FGFR1: variants seen among roughly 807,000 people sequenced by gnomAD.
FGFR1 encodes fibroblast growth factor receptor 1.
FGFR1 carries 18 observed loss-of-function variants against 93.7 expected under a neutral mutation model. The observed-to-expected ratio is 0.19, with a 90% CI of 0.13 to 0.28. The LOEUF (loss-of-function observed/expected upper bound fraction) is 0.28. Among genes scored for constraint, FGFR1 ranks in the 10% least tolerant of loss-of-function variants. The probability of loss-of-function intolerance (pLI) is 1.00; values close to 1 mark genes in which losing one functional copy is unlikely to be tolerated. For missense variants in FGFR1, 731 were observed against 1,080.4 expected (o/e 0.68, Z 4.53); for synonymous variants, 448 against 429.3 (o/e 1.04, Z -0.54).
Position 38,423,330 on chromosome 8 carries a change from T to C in FGFR1, c.936+1179A>G, listed in dbSNP as rs1819520565. 8.3e-6 allele frequency: 5 copies of C among 600,686 alleles called. No homozygotes were observed. The South Asian group carries it at 9.6e-5, about 12-fold the overall frequency. 37.2% of individuals were successfully genotyped at this position (600,686 alleles called of 1,614,324 possible). The stretch of plus-strand genomic sequence containing the variant: ...CCTTTTAGTTTTTTTTTTTTTTTTT[T>C]TTTTTAACGCAGAGTCTCACTCACT... On this transcript the variant is annotated intron_variant, in intron 7 of 17. Transcript: ENST00000447712.
At chr8:38,414,514 GCT>G (rs752581656) in intron 15 of FGFR1, 43 bp downstream of exon 15, 3 of 1,604,524 alleles carry the variant, frequency 1.9e-6, no homozygotes, top group South Asian at 2.2e-5. Context: ...AGTGCTAGAA[GCT>G]CTCTATCCCA....
At chr8:38,464,437 C>T (rs768555145) in intron 1 of FGFR1, among the ~76,000 whole-genome samples, 1 of 151,610 alleles carries the variant, frequency 6.6e-6, no homozygotes, top group Non-Finnish European at 1.5e-5. Flanking sequence ...TGGGATAGTT[C>T]ATCCATGTGA....
At chr8:38,440,068 G>A in intron 2 of FGFR1, among the ~76,000 whole-genome samples, 1 of 152,006 alleles carries the variant, frequency 6.6e-6, no homozygotes, top group East Asian at 1.9e-4. Context: ...AGAAAATTAG[G>A]AGAGAAAGGC....
chr8:38,458,550 A>T lies in FGFR1; in HGVS notation c.-88-1016T>A, dbSNP rs1023101194. Among the ~76,000 whole-genome samples, 8 of 151,006 alleles carry T rather than the reference A, an allele frequency of 5.3e-5. No individual in the cohort carries two copies. In the East Asian group the frequency reaches 5.8e-4, roughly 11 times the overall value. On this transcript the variant is annotated intron_variant, in intron 1 of 17. Coordinates refer to ENST00000447712, the MANE Select transcript of FGFR1 (RefSeq NM_023110.3). ...AGTGAGACTCTGTCTCAAAAAATTT[A>T]AAAAAAAAATTTTAAAAAGACCACT...
chr8:38,415,652 G>T (rs1816260372), intron 13 of FGFR1, among the ~76,000 whole-genome samples: 2 of 152,106 alleles, frequency 1.3e-5, no homozygotes, highest in African/African-American at 4.8e-5. Context: ...GCAGTGCACA[G>T]ATCGGACCCT....
rs143341876 is a variant in FGFR1, at chr8:38,457,379, G to A, written c.68C>T (p.Pro23Leu). Residue 23 changes from proline to leucine, a missense_variant, in exon 2 of 18, where the codon CCG becomes CTG. Around this residue, in one of 10 missense-constraint regions of FGFR1, gnomAD observed 212 missense variants for 205.8 expected, o/e 1.03. Coordinates refer to ENST00000447712, the MANE Select transcript of FGFR1 (RefSeq NM_023110.3). ...ACCTTGTTCAGGCAAGGTCGGGGACGGCCTAGCGGTGCAGAGTGTGGCTGT... is the reference window on the plus strand; with the variant it reads ...ACCTTGTTCAGGCAAGGTCGGGGACAGCCTAGCGGTGCAGAGTGTGGCTGT... Reference protein sequence around the residue: ...LVTATLCTARPSPTLPEQAQP... With the variant: ...LVTATLCTARLSPTLPEQAQP... 3.7e-5 allele frequency: 59 copies of A among 1,613,564 alleles called. No homozygotes were observed. The highest frequency in any genetic ancestry group is 4.6e-5 in the Non-Finnish European group (54 of 1,180,022).
Position 38,461,357 on chromosome 8 carries a change from C to CA in FGFR1, c.-88-3824dup, listed in dbSNP as rs1586788039. On this transcript the variant is annotated intron_variant, in intron 1 of 17. Transcript: ENST00000447712. ...CCAAATCTTTTTATTCTTTCTGAGA[C>CA]AGAGTGTTGCTCTGTCACCCAAGCT... is the stretch of plus-strand genomic sequence containing the variant. 1.1e-5 allele frequency: 6 copies of CA among 544,750 alleles called. No individual in the cohort carries two copies. In the East Asian group the frequency reaches 1.8e-4, roughly 16 times the overall value. The allele number at this position is 544,750 out of a possible 1,614,324, so 33.7% of individuals were successfully genotyped here.
intron 7 of FGFR1, chr8:38,423,210 C>G: frequency 5.2e-6 from 4 of 775,126 alleles, no homozygotes; most frequent in Non-Finnish European, 9.6e-6. Flanking sequence ...GTCAGTTGGG[C>G]AAAGCTGAGA....
chr8:38,445,508 A>C (rs1828999652), intron 2 of FGFR1, among the ~76,000 whole-genome samples: 1 of 152,136 alleles, frequency 6.6e-6, no homozygotes, highest in African/African-American at 2.4e-5. Context: ...TTTCAAGTGC[A>C]TGTCAGGCAT....
chr8:38,424,375 TG>T lies in FGFR1; in HGVS notation c.936+133del. On this transcript the variant is annotated intron_variant, in intron 7 of 17. Coordinates refer to ENST00000447712, the MANE Select transcript of FGFR1 (RefSeq NM_023110.3). The surrounding 1 kb of genome is among the most constrained non-coding windows in gnomAD (Gnocchi z 4.3). ...GGATGTGGCTAGATCCCTACTGAGA[TG>T]GAGTGTGTGTGCCTGAAGCGTGAGG... is the stretch of plus-strand genomic sequence containing the variant. 2.2e-6 allele frequency: 2 copies of T among 922,136 alleles called. No homozygotes were observed. The highest frequency in any genetic ancestry group is 3.5e-6 in the Non-Finnish European group (2 of 567,300). 57.1% of individuals were successfully genotyped at this position (922,136 alleles called of 1,614,324 possible).
intron 8 of FGFR1, chr8:38,420,104 G>A (rs1438187029): frequency 3.3e-6 from 1 of 300,038 alleles, no homozygotes; most frequent in African/African-American, 2.1e-5. Flanking sequence ...GGTCTCCTCA[G>A]GGAGCCATGG....
At chr8:38,458,775 A>G (rs767627518) in intron 1 of FGFR1, 1 of 220,248 alleles carries the variant, frequency 4.5e-6, no homozygotes, top group African/African-American at 2.2e-5. Flanking sequence ...TGTCTCTAAA[A>G]TTGTACGAAT....
chr8:38,424,348 G>T lies in FGFR1; in HGVS notation c.936+161C>A. Reference sequence around the variant, plus strand: ...TTTGTGACCTCTGTTACTAGTCCTGGGGGATGTGGCTAGATCCCTACTGAG... The same window carrying T: ...TTTGTGACCTCTGTTACTAGTCCTGTGGGATGTGGCTAGATCCCTACTGAG... On this transcript the variant is annotated intron_variant, in intron 7 of 17. Transcript: ENST00000447712. This position sits in a 1 kb window ranked among gnomAD's most constrained non-coding sequence, Gnocchi z 4.3. 1.2e-6 allele frequency: 1 copy of T among 802,416 alleles called. No homozygotes were observed. 49.7% of individuals were successfully genotyped at this position (802,416 alleles called of 1,614,324 possible).
chr8:38,416,160 C>T, intron 12 of FGFR1, 100 bp from the exon 13 acceptor site: 1 of 974,238 alleles, frequency 1.0e-6, no homozygotes, highest in Non-Finnish European at 1.6e-6. Context: ...CCCGGCCAAC[C>T]TCCCATCTCC....
intron 14 of FGFR1, 49 bp downstream of exon 14, chr8:38,414,730 T>G (rs1407679088): frequency 1.2e-6 from 2 of 1,613,612 alleles, no homozygotes; most frequent in Non-Finnish European, 1.7e-6. Context: ...CCCCACTCCT[T>G]GCTTCTCAGA....
chr8:38,453,540 C>T (rs150864070), intron 2 of FGFR1, among the ~76,000 whole-genome samples: 1 of 152,290 alleles, frequency 6.6e-6, no homozygotes, highest in East Asian at 1.9e-4. Context: ...AAAATGTGTG[C>T]CCACCCAGGC....
intron 2 of FGFR1, among the ~76,000 whole-genome samples, chr8:38,433,884 T>A (rs1824211391): frequency 6.6e-6 from 1 of 152,194 alleles, no homozygotes. Flanking sequence ...TTACCATCCC[T>A]CGCCCCTCAA....
At chr8:38,459,009 T>C (rs1833712628) in intron 1 of FGFR1, 5 of 225,926 alleles carry the variant, frequency 2.2e-5, no homozygotes, top group Non-Finnish European at 4.4e-5. Context: ...GAGTCAAAGA[T>C]GGCTCACACT....
rs34379209 is a variant in FGFR1 at position 38,463,970 on chromosome 8, T to TA, written c.-89+4010dup. Among the ~76,000 whole-genome samples the TA allele has an allele frequency of 1.2e-3, 178 of 145,018 alleles. 1 individual carries two copies. In the East Asian group the frequency reaches 0.013, roughly 10 times the overall value. On this transcript the variant is annotated intron_variant, in intron 1 of 17. Transcript: ENST00000447712. Reference sequence around the variant, plus strand: ...GAAATGCTAATTTTTTGAGTCTCTTTAAAAAAAAAAAGTGTCTAAATGTCC... The same window carrying TA: ...GAAATGCTAATTTTTTGAGTCTCTTTAAAAAAAAAAAAGTGTCTAAATGTCC...
Sources: gnomAD v4.1 joint callset for allele counts (sites outside exome capture counted in the v4.1 genomes callset) on GRCh38, gnomAD v4.1.1 for gene constraint, gnomAD v4.1.1 regional missense constraint, Gnocchi (gnomAD v3.1) non-coding constraint, MANE v1.5 for transcripts, NCBI Gene and HGNC (gene_info 2026-07-23, HGNC 2026-07-21) for gene names.